ACACA: variants seen among roughly 807,000 people sequenced by gnomAD.
ACACA encodes the protein acetyl-CoA carboxylase alpha.
ACACA carries 103 observed loss-of-function variants against 296.1 expected under a neutral mutation model. The ratio of observed to expected loss-of-function variants is 0.35; its 90% CI spans 0.30 to 0.41. The LOEUF (loss-of-function observed/expected upper bound fraction) is 0.41. ACACA is among the 10% of genes least tolerant of loss of function. The pLI is 1.00. For missense variants in ACACA, 1,554 were observed against 2,989.7 expected, an observed-to-expected ratio of 0.52 and a Z score of 11.20; for synonymous variants, 953 against 1,038.6, an observed-to-expected ratio of 0.92 and a Z score of 1.58.
chr17:37,161,908 T>C lies in ACACA; in HGVS notation c.5222A>G (p.Glu1741Gly). Residue 1741 changes from glutamate to glycine, a missense_variant, in exon 42 of 56, where the codon GAA becomes GGA. Around this residue, in one of 16 missense-constraint regions of ACACA, gnomAD observed 553 missense variants for 1,043.6 expected, o/e 0.53. Transcript: ENST00000616317. Reference sequence around the variant, plus strand: ...TGGAATACCTTCTGCCCTAGCAAGTTCGGAAGCTCTGAGAAATAACAAATC... The same window carrying C: ...TGGAATACCTTCTGCCCTAGCAAGTCCGGAAGCTCTGAGAAATAACAAATC... ...QEDLLFLRASELARAEGIPRI... is the reference protein window; with the variant it reads ...QEDLLFLRASGLARAEGIPRI... 6.2e-7 allele frequency: 1 copy of C among 1,614,194 alleles called. No homozygotes were observed. The highest frequency in any genetic ancestry group is 8.5e-7 in the Non-Finnish European group (1 of 1,180,022).
rs567925232 is a variant in ACACA at position 37,323,444 on chromosome 17, A to C, written c.338+6729T>G. Among the ~76,000 whole-genome samples, 14 of 152,332 alleles carry C rather than the reference A, an allele frequency of 9.2e-5. No individual in the cohort carries two copies. The South Asian group carries it at 1.9e-3, about 20-fold the overall frequency. ...ACCCCATCTCTAAAAAAATTTTAAA[A>C]ATTAGCTCAGCACGGTGGTGCACAC... On this transcript the variant is annotated intron_variant, in intron 3 of 55. Coordinates refer to ENST00000616317, the MANE Select transcript of ACACA (RefSeq NM_198834.3).
chr17:37,183,220 G>A (rs2077390956), intron 39 of ACACA, among the ~76,000 whole-genome samples: 1 of 152,102 alleles, frequency 6.6e-6, no homozygotes, highest in African/African-American at 2.4e-5. Context: ...AAGACAGGCT[G>A]GTCATAGTTA....
chr17:37,102,197 CTCT>C (rs1462873101), intron 52 of ACACA, among the ~76,000 whole-genome samples: 1 of 139,796 alleles, frequency 7.2e-6, no homozygotes, highest in Non-Finnish European at 1.5e-5. Context: ...TGGCATCCAG[CTCT>C]TTTTTTTTTT....
At chr17:37,267,590 T>C (rs2081846068) in intron 10 of ACACA, among the ~76,000 whole-genome samples, 1 of 152,210 alleles carries the variant, frequency 6.6e-6, no homozygotes, top group Non-Finnish European at 1.5e-5. Context: ...CTAGATTTTT[T>C]TGTTTTGTCA....
At chr17:37,109,930 C>T (rs961466925) in intron 52 of ACACA, among the ~76,000 whole-genome samples, 2 of 152,216 alleles carry the variant, frequency 1.3e-5, no homozygotes, top group Non-Finnish European at 2.9e-5. Context: ...ATGGAGCTCT[C>T]TCTGCTTCTG....
chr17:37,176,204 ATC>A (rs1319727587), intron 41 of ACACA, among the ~76,000 whole-genome samples: 1 of 152,154 alleles, frequency 6.6e-6, no homozygotes, highest in Non-Finnish European at 1.5e-5. Context: ...CTCTGAAGGA[ATC>A]TCTCATTTTA....
At chr17:37,362,984 A>AAAAAAAC (rs2049462297) in intron 1 of ACACA, among the ~76,000 whole-genome samples, 2 of 149,776 alleles carry the variant, frequency 1.3e-5, no homozygotes, top group Non-Finnish European at 3.0e-5. Context: ...AAAAAAAAAA[A>AAAAAAAC]AAAAAACAAA....
At chr17:37,112,541 T>C (rs1039490155) in intron 51 of ACACA, among the ~76,000 whole-genome samples, 1 of 152,212 alleles carries the variant, frequency 6.6e-6, no homozygotes, top group South Asian at 2.1e-4. Context: ...GAATTGTCTC[T>C]GATCTGATAT....
chr17:37,300,982 T>C (rs934046654), intron 3 of ACACA, among the ~76,000 whole-genome samples: 4 of 152,210 alleles, frequency 2.6e-5, no homozygotes, highest in African/African-American at 9.6e-5. Context: ...TAGCCACAGA[T>C]GAGAAGCTGC....
chr17:37,249,684 A>C (rs926610841), intron 16 of ACACA, among the ~76,000 whole-genome samples: 1 of 152,256 alleles, frequency 6.6e-6, no homozygotes, highest in Non-Finnish European at 1.5e-5. Context: ...ACTTTAAAAA[A>C]TATACTGTTG....
intron 42 of ACACA, among the ~76,000 whole-genome samples, chr17:37,157,967 T>G (rs1291861891): frequency 6.6e-6 from 1 of 152,166 alleles, no homozygotes; most frequent in Non-Finnish European, 1.5e-5. Flanking sequence ...CTACTGCTAG[T>G]AAGTAGCTGT....
intron 45 of ACACA, among the ~76,000 whole-genome samples, chr17:37,149,527 C>T (rs1200470297): frequency 6.6e-6 from 1 of 152,170 alleles, no homozygotes; most frequent in African/African-American, 2.4e-5. Context: ...AGAACAGAAG[C>T]GTTCAATTAA....
At chr17:37,246,079 A>C (rs1598300506) in intron 19 of ACACA, among the ~76,000 whole-genome samples, 1 of 140,324 alleles carries the variant, frequency 7.1e-6, no homozygotes, top group East Asian at 1.9e-4. Flanking sequence ...CTCTATCACT[A>C]TCTGTCTTTC....
chr17:37,303,592 T>C lies in ACACA; in HGVS notation c.339-18622A>G, dbSNP rs536230991. On this transcript the variant is annotated intron_variant, in intron 3 of 55. Coordinates refer to ENST00000616317, the MANE Select transcript of ACACA (RefSeq NM_198834.3). ...TGTCAAATTAGCCGGGCACAGTGGC[T>C]CACGCCTATAATCCTAGCACTTTGG... 2.1e-4 allele frequency among the ~76,000 whole-genome samples: 32 copies of C among 152,338 alleles called. No individual in the cohort carries two copies. The East Asian group carries it at 6.2e-3, about 29-fold the overall frequency.
chr17:37,271,429 C>T (rs575092081), intron 9 of ACACA, among the ~76,000 whole-genome samples: 23 of 151,810 alleles, frequency 1.5e-4, no homozygotes, highest in African/African-American at 5.1e-4. Flanking sequence ...GCAGGAGAAT[C>T]GCTTGAACCT....
intron 3 of ACACA, among the ~76,000 whole-genome samples, chr17:37,297,366 G>A (rs1247957691): frequency 3.3e-5 from 5 of 151,060 alleles, no homozygotes; most frequent in South Asian, 4.2e-4. Context: ...GCTTGAACCC[G>A]GGAGGCAGAG....
At chr17:37,349,536 CGT>C (rs573689152) in intron 1 of ACACA, among the ~76,000 whole-genome samples, 17 of 144,818 alleles carry the variant, frequency 1.2e-4, no homozygotes, top group Admixed American at 2.8e-4. Flanking sequence ...TGTGTGCGCG[CGT>C]GTGTGTGTGT....
At chr17:37,153,302 G>A (rs902149238) in intron 43 of ACACA, among the ~76,000 whole-genome samples, 13 of 152,230 alleles carry the variant, frequency 8.5e-5, no homozygotes, top group East Asian at 5.8e-4. Context: ...GAATCTCACC[G>A]TAACTATATT....
intron 14 of ACACA, among the ~76,000 whole-genome samples, chr17:37,255,768 C>T (rs1035602923): frequency 8.6e-5 from 13 of 152,044 alleles, no homozygotes; most frequent in South Asian, 4.1e-4. Context: ...TTTTTTGAGA[C>T]GGAGTTTTGC....
Sources: allele counts gnomAD v4.1 joint callset (sites outside exome capture counted in the v4.1 genomes callset), GRCh38; gene constraint gnomAD v4.1.1; regional missense constraint gnomAD v4.1.1; transcripts MANE v1.5; gene names NCBI Gene and HGNC (gene_info 2026-07-23, HGNC 2026-07-21).